PLA2G4A: variants seen among roughly 807,000 people sequenced by gnomAD.
PLA2G4A encodes the protein phospholipase A2 group IVA.
Under a neutral mutation model 81.9 loss-of-function variants are expected in PLA2G4A, and 40 were observed. The observed-to-expected ratio is 0.49, with a 90% CI of 0.38 to 0.64. The LOEUF is 0.64. Ranked by LOEUF, PLA2G4A falls within the 30% of genes least tolerant of loss-of-function variation. The pLI, the probability that PLA2G4A is intolerant of heterozygous loss-of-function variation, is 0.00. For missense variants in PLA2G4A, 715 were observed against 905.1 expected, an observed-to-expected ratio of 0.79 and a Z score of 2.69; for synonymous variants, 302 against 296.9, an observed-to-expected ratio of 1.02 and a Z score of -0.18.
chr1:186,939,363 C>T (rs6690185), intron 9 of PLA2G4A, 133 bp downstream of exon 9: 113,658 of 451,364 alleles, frequency 0.25, 18,191 homozygotes, highest in African/African-American at 0.58. Context: ...TCCAACTATG[C>T]GTACTGAGCC....
In PLA2G4A at chr1:186,939,250, A is replaced by G. The variant is rs769804434; in HGVS notation, c.918+20A>G. The G allele has an allele frequency of 4.6e-6, 5 of 1,085,262 alleles. No individual in the cohort carries two copies. The African/African-American group carries it at 6.1e-5, about 13-fold the overall frequency. 67.2% of individuals were successfully genotyped at this position (1,085,262 alleles called of 1,614,324 possible). A position where few individuals can be genotyped will look rare whatever the true frequency, so the allele number is the denominator to read the frequency against. Reference sequence around the variant, plus strand: ...CATAATGTAAGTTACAGTTCAATCTACACTGCTTTTATAACAAGTAGACAG... The same window carrying G: ...CATAATGTAAGTTACAGTTCAATCTGCACTGCTTTTATAACAAGTAGACAG... On this transcript the variant is annotated intron_variant, in intron 9 of 17. Transcript: ENST00000367466.
chr1:186,988,369 AT>A lies in PLA2G4A; in HGVS notation c.2119-5del. 6.2e-7 allele frequency: 1 copy of A among 1,607,348 alleles called. No homozygotes were observed. Among genetic ancestry groups the A allele is most frequent in the Non-Finnish European group, 8.5e-7 (1 of 1,174,478 alleles). ...CGCTAATTATACAACTTCTGTCTCT[AT>A]TTGCAGGTGATAAAAGAAGCCATGG... is the stretch of plus-strand genomic sequence containing the variant. On this transcript the variant is annotated splice_region_variant and splice_polypyrimidine_tract_variant and intron_variant, in intron 17 of 17. Coordinates refer to ENST00000367466, the MANE Select transcript of PLA2G4A (RefSeq NM_024420.3).
At chr1:186,901,790 A>G (rs943119779) in intron 5 of PLA2G4A, among the ~76,000 whole-genome samples, 4 of 152,182 alleles carry the variant, frequency 2.6e-5, no homozygotes, top group African/African-American at 4.8e-5. Flanking sequence ...AGGGAAGACA[A>G]TGGTCTTTAA....
intron 7 of PLA2G4A, among the ~76,000 whole-genome samples, chr1:186,922,287 A>G (rs1264739750): frequency 1.3e-5 from 2 of 152,236 alleles, no homozygotes; most frequent in African/African-American, 4.8e-5. Flanking sequence ...CCAGACCCAA[A>G]GTATCAAGCA....
At chr1:186,946,593 C>G in intron 10 of PLA2G4A, 44 bp from the exon 11 acceptor site, 2 of 1,395,252 alleles carry the variant, frequency 1.4e-6, no homozygotes, top group Non-Finnish European at 2.0e-6. Context: ...CATGCCATAG[C>G]ATTTTCCTAT....
At chr1:186,907,876 T>A (rs182942116) in intron 6 of PLA2G4A, among the ~76,000 whole-genome samples, 1 of 152,352 alleles carries the variant, frequency 6.6e-6, no homozygotes, top group East Asian at 1.9e-4. Context: ...TCCAAGTTAT[T>A]GTGTTGCATT....
At chr1:186,973,035 T>C (rs943351985) in intron 15 of PLA2G4A, among the ~76,000 whole-genome samples, 2 of 152,226 alleles carry the variant, frequency 1.3e-5, no homozygotes, top group Non-Finnish European at 1.5e-5. Context: ...CAATCCACAA[T>C]GGCTGGTGAA....
chr1:186,972,066 T>C (rs1273218185), intron 15 of PLA2G4A, among the ~76,000 whole-genome samples: 2 of 152,056 alleles, frequency 1.3e-5, no homozygotes, highest in Non-Finnish European at 2.9e-5. Flanking sequence ...TACAGAAAGA[T>C]GGAGATCATG....
At chr1:186,853,069 T>C (rs2102025342) in intron 1 of PLA2G4A, among the ~76,000 whole-genome samples, 1 of 152,058 alleles carries the variant, frequency 6.6e-6, no homozygotes, top group East Asian at 1.9e-4. Flanking sequence ...TTTTTTCTTG[T>C]TGGTACAAAT....
chr1:186,893,223 T>G (rs1436538270), intron 4 of PLA2G4A, 64 bp downstream of exon 4: 2 of 1,419,084 alleles, frequency 1.4e-6, no homozygotes, highest in Non-Finnish European at 2.0e-6. Flanking sequence ...TGCTTGAGTT[T>G]GTCCTTTTAC....
chr1:186,912,755 T>C (rs111920211), intron 7 of PLA2G4A, among the ~76,000 whole-genome samples: 1 of 143,392 alleles, frequency 7.0e-6, no homozygotes, highest in Non-Finnish European at 1.5e-5. Flanking sequence ...TATATGTATA[T>C]ATATACATAA....
chr1:186,834,208 G>A (rs1057150570), intron 1 of PLA2G4A, among the ~76,000 whole-genome samples: 2 of 151,262 alleles, frequency 1.3e-5, no homozygotes, highest in East Asian at 3.9e-4. Flanking sequence ...TCACTATCTA[G>A]TTTGAAAAAA....
At chr1:186,968,546 TATA>T (rs1397051636) in intron 15 of PLA2G4A, among the ~76,000 whole-genome samples, 2 of 151,522 alleles carry the variant, frequency 1.3e-5, no homozygotes, top group East Asian at 1.9e-4. Flanking sequence ...TATAAAGACA[TATA>T]ATACAGTAAA....
chr1:186,919,893 G>C (rs1028192611), intron 7 of PLA2G4A, among the ~76,000 whole-genome samples: 4 of 152,118 alleles, frequency 2.6e-5, no homozygotes, highest in African/African-American at 4.8e-5. Flanking sequence ...CAGGAGGGGG[G>C]GTGTTCCATG....
At chr1:186,861,305 C>T (rs1043038469) in intron 2 of PLA2G4A, among the ~76,000 whole-genome samples, 7 of 152,128 alleles carry the variant, frequency 4.6e-5, no homozygotes, top group African/African-American at 1.4e-4. Context: ...ATCCTTAGAA[C>T]GCCGAGGAAT....
rs186543909 is a variant in PLA2G4A at position 186,932,153 on chromosome 1, G to A, written c.559-610G>A. Among the ~76,000 whole-genome samples the A allele has an allele frequency of 2.0e-4, 31 of 152,230 alleles. 1 individual carries two copies. Among genetic ancestry groups the A allele is most frequent in the Admixed American group, 2.0e-3 (31 of 15,292 alleles). On this transcript the variant is annotated intron_variant, in intron 7 of 17. Transcript: ENST00000367466. ...AATAAGACAATGTCCCTGAAAGCAAGCCAAAAATTTGCAAAATGTTGAACA... is the reference window on the plus strand; with the variant it reads ...AATAAGACAATGTCCCTGAAAGCAAACCAAAAATTTGCAAAATGTTGAACA...
At chr1:186,874,506 A>G (rs1653399143) in intron 3 of PLA2G4A, among the ~76,000 whole-genome samples, 1 of 152,084 alleles carries the variant, frequency 6.6e-6, no homozygotes, top group Admixed American at 6.6e-5. Flanking sequence ...TTTTTAAGTG[A>G]TTAAATACCA....
intron 3 of PLA2G4A, among the ~76,000 whole-genome samples, chr1:186,872,652 C>T (rs1277467674): frequency 6.6e-6 from 1 of 151,888 alleles, no homozygotes; most frequent in Non-Finnish European, 1.5e-5. Context: ...GATTTTCTAG[C>T]AACTTCATGG....
chr1:186,920,504 T>TG (rs1287487543), intron 7 of PLA2G4A, among the ~76,000 whole-genome samples: 2 of 152,196 alleles, frequency 1.3e-5, no homozygotes, highest in African/African-American at 4.8e-5. Context: ...GTGGGCTCCT[T>TG]GGGGGCGCTT....
Sources: allele counts gnomAD v4.1 joint callset (sites outside exome capture counted in the v4.1 genomes callset), GRCh38; gene constraint gnomAD v4.1.1; transcripts MANE v1.5; gene names NCBI Gene and HGNC (gene_info 2026-07-23, HGNC 2026-07-21).